The following OTOF variants were observed in gnomAD, a reference collection of about 807,000 sequenced individuals.
OTOF encodes the protein fer-1-like family member 2.
OTOF carries 218 observed loss-of-function variants against 236.8 expected under a neutral mutation model. The observed-to-expected ratio is 0.92, with a 90% CI of 0.82 to 1.03. OTOF has a LOEUF of 1.03. OTOF is among the 50% of genes least tolerant of loss of function. OTOF has a pLI of 0.00. For missense variants in OTOF, 2,590 were observed against 2,694.4 expected (o/e 0.96, Z 0.86); for synonymous variants, 1,041 against 1,072.5 (o/e 0.97, Z 0.57).
At position 26,477,619 on chromosome 2, in the gene OTOF, TC is replaced by T. The variant is rs1558486006; in HGVS notation, c.2315+29del. The T allele has an allele frequency of 2.5e-6, 4 of 1,610,478 alleles. No individual in the cohort carries two copies. Among genetic ancestry groups the T allele is most frequent in the Non-Finnish European group, 3.4e-6 (4 of 1,179,004 alleles). ...CCCTTTGTCCAGTTCCGCCTCATCC[TC>T]CCCCCACCTGCCGCCCCTCCCTTCT... On this transcript the variant is annotated intron_variant, in intron 19 of 46. Transcript: ENST00000272371. This position sits in a 1 kb window ranked among gnomAD's most constrained non-coding sequence, Gnocchi z 4.7.
intron 1 of OTOF, among the ~76,000 whole-genome samples, chr2:26,551,513 C>T (rs1425047721): frequency 6.6e-6 from 1 of 152,210 alleles, no homozygotes; most frequent in Non-Finnish European, 1.5e-5. Context: ...CCATCCTGGG[C>T]TAAGTGGGTT....
At chr2:26,482,685 G>GCCC (rs1558490827) in intron 13 of OTOF, 93 bp from the exon 14 acceptor site, 1 of 1,058,520 alleles carries the variant, frequency 9.4e-7, no homozygotes, top group African/African-American at 1.6e-5. Flanking sequence ...GTGCGTGAGT[G>GCCC]GGCACATGTG....
At chr2:26,507,379 G>A (rs1021999522) in intron 5 of OTOF, among the ~76,000 whole-genome samples, 1 of 152,182 alleles carries the variant, frequency 6.6e-6, no homozygotes, top group African/African-American at 2.4e-5. Flanking sequence ...CCTGATTGCA[G>A]CACCAGTTCC....
At position 26,474,116 on chromosome 2, in the gene OTOF, G is replaced by C; in HGVS notation, c.3289-6C>G. ...GCCTTCCCTGCTGGTCCAATCTGGG[G>C]AATGGGGGTCACAGGTCACACACTG... On this transcript the variant is annotated splice_polypyrimidine_tract_variant and splice_region_variant and intron_variant, in intron 26 of 46. Coordinates refer to ENST00000272371, the MANE Select transcript of OTOF (RefSeq NM_194248.3). 1 of 1,612,834 alleles carries C rather than the reference G, an allele frequency of 6.2e-7. No homozygotes were observed. The highest frequency in any genetic ancestry group is 1.3e-5 in the African/African-American group (1 of 75,004).
At position 26,484,529 on chromosome 2, in the gene OTOF, C is replaced by T. The variant is rs753273850; in HGVS notation, c.1150G>A (p.Asp384Asn). The T allele has an allele frequency of 4.3e-6, 7 of 1,614,004 alleles. No individual in the cohort carries two copies. The highest frequency in any genetic ancestry group is 1.7e-5 in the Admixed American group (1 of 60,004). Residue 384 changes from aspartate (D) to asparagine (N), a missense_variant, in exon 12 of 47, where the codon GAC becomes AAC. By Grantham distance (23) the Asp-to-Asn change is conservative. Around this residue, in one of 2 missense-constraint regions of OTOF, gnomAD observed 1,379 missense variants for 1,341.6 expected, o/e 1.03. Coordinates refer to ENST00000272371, the MANE Select transcript of OTOF (RefSeq NM_194248.3). ...KCDVAVVGKG[D>N]NIKTPHKANE... ...GCCTTGTGGGGCGTCTTGATGTTGT[C>T]CCCTTTGCCCACCACGGCAACGTCA...
chr2:26,519,752 C>T (rs1230618696), intron 3 of OTOF, among the ~76,000 whole-genome samples: 1 of 152,194 alleles, frequency 6.6e-6, no homozygotes, highest in Non-Finnish European at 1.5e-5. Flanking sequence ...TCCTTAAGCT[C>T]TCTCAGTGTC....
Position 26,467,511 on chromosome 2 carries a change from A to G in OTOF, c.4091-10T>C, listed in dbSNP as rs776425507. The G allele has an allele frequency of 1.2e-6, 2 of 1,613,216 alleles. No individual in the cohort carries two copies. Among genetic ancestry groups the G allele is most frequent in the African/African-American group, 1.3e-5 (1 of 74,898 alleles). ...ATTGACCCCTTCAGGCCTGGCCAGA[A>G]GCAGAAAAGGAGGTGGAGCAGAAAT... On this transcript the variant is annotated splice_polypyrimidine_tract_variant and intron_variant, in intron 33 of 46. Transcript: ENST00000272371.
chr2:26,526,361 G>C (rs1167917564), intron 3 of OTOF, among the ~76,000 whole-genome samples: 10 of 151,790 alleles, frequency 6.6e-5, no homozygotes, highest in Admixed American at 1.3e-4. Context: ...ATTGATAAAT[G>C]GATGGAGGGA....
chr2:26,458,221 C>G lies in OTOF; in HGVS notation c.*18-1G>C. 1 of 1,575,612 alleles carries G rather than the reference C, an allele frequency of 6.3e-7. No individual in the cohort carries two copies. The highest frequency in any genetic ancestry group is 2.4e-5 in the East Asian group (1 of 42,338). Reference sequence around the variant, plus strand: ...CCAGACGAAGGCCGTGTCGGGCCGGCTGGGAAGTGGAAGAGAGGAGCCGGT... The same window carrying G: ...CCAGACGAAGGCCGTGTCGGGCCGGGTGGGAAGTGGAAGAGAGGAGCCGGT... On this transcript the variant is annotated splice_acceptor_variant, in intron 46 of 46. Transcript: ENST00000272371. LOFTEE classifies it low-confidence loss of function (3UTR_SPLICE).
chr2:26,492,560 T>C (rs947617249), intron 9 of OTOF, among the ~76,000 whole-genome samples: 2 of 152,170 alleles, frequency 1.3e-5, no homozygotes, highest in Non-Finnish European at 1.5e-5. Context: ...TGTGCCTCCT[T>C]CATCTCGGCA....
chr2:26,458,573 A>C (rs887432455), intron 46 of OTOF, among the ~76,000 whole-genome samples: 7 of 152,090 alleles, frequency 4.6e-5, no homozygotes, highest in African/African-American at 7.2e-5. Context: ...GGTGCTTCAC[A>C]ACCTCTTCCT....
intron 5 of OTOF, among the ~76,000 whole-genome samples, chr2:26,514,395 G>A (rs1009054388): frequency 2.0e-5 from 3 of 152,274 alleles, no homozygotes; most frequent in African/African-American, 7.2e-5. Context: ...CTGTGAGGAA[G>A]GGTCGGGGGA....
chr2:26,519,177 C>CCAAGG, intron 3 of OTOF, 68 bp from the exon 4 acceptor site: 1 of 1,077,796 alleles, frequency 9.3e-7, no homozygotes, highest in Non-Finnish European at 1.4e-6. Flanking sequence ...GACTGACATC[C>CCAAGG]CAAGGGCTGT....
chr2:26,490,993 A>T (rs1368113672), intron 9 of OTOF, among the ~76,000 whole-genome samples: 1 of 152,130 alleles, frequency 6.6e-6, no homozygotes, highest in East Asian at 1.9e-4. Context: ...TCAGCACAAG[A>T]TGGTAACTGA....
chr2:26,465,080 C>T, intron 38 of OTOF, 51 bp from the exon 39 acceptor site: 1 of 1,401,690 alleles, frequency 7.1e-7, no homozygotes, highest in Non-Finnish European at 9.4e-7. Flanking sequence ...ACTAAGCCAT[C>T]CTGGATGACA....
rs758504052 is a variant in OTOF at position 26,465,707 on chromosome 2, G to T, written c.4764C>A (p.His1588Gln). Residue 1588 changes from histidine (H) to glutamine (Q), a missense_variant, in exon 38 of 47, where the codon CAC becomes CAA. Physicochemically the swap from His to Gln is conservative, Grantham distance 24 (BLOSUM62 0). Transcript: ENST00000272371. ...IDLENRFYSK[H>Q]RATCGIAQTY... ...TCTGGGCGATGCCGCAGGTGGCGCG[G>T]TGCTTGCTGTAGAAGCGGTTCTCCA... is the stretch of plus-strand genomic sequence containing the variant. 1 of 1,614,164 alleles carries T rather than the reference G, an allele frequency of 6.2e-7. No homozygotes were observed. The highest frequency in any genetic ancestry group is 1.3e-5 in the African/African-American group (1 of 74,952).
intron 3 of OTOF, among the ~76,000 whole-genome samples, chr2:26,522,260 T>G: frequency 6.6e-6 from 1 of 152,232 alleles, no homozygotes; most frequent in East Asian, 1.9e-4. Flanking sequence ...TATCTCAGCC[T>G]TATGTAAAGT....
chr2:26,482,464 G>A lies in OTOF; in HGVS notation c.1521C>T (p.Asp507=), dbSNP rs774317620. 26 of 1,613,202 alleles carry A rather than the reference G, an allele frequency of 1.6e-5. No homozygotes were observed. Among genetic ancestry groups the A allele is most frequent in the Admixed American group, 3.3e-5 (2 of 60,006 alleles). ...VQIRDSDKVN[D]VAIGTHFIDL... is the part of the protein sequence containing the mutation. ...CAATGAAGTGGGTGCCGATGGCCAC[G>A]TCGTTGACCTTGTCCGAGTCTCGGA... The change falls in exon 14 of 47, where the codon GAC becomes GAT. Residue 507 remains aspartate (D), a synonymous_variant. Coordinates refer to ENST00000272371, the MANE Select transcript of OTOF (RefSeq NM_194248.3).
chr2:26,463,665 G>C, intron 40 of OTOF, 94 bp from the exon 41 acceptor site: 2 of 1,082,606 alleles, frequency 1.8e-6, no homozygotes, highest in Non-Finnish European at 2.8e-6. Flanking sequence ...GTTCTGTCAA[G>C]GACCCAGTTC....
Sources: allele counts gnomAD v4.1 joint callset (sites outside exome capture counted in the v4.1 genomes callset), GRCh38; gene constraint gnomAD v4.1.1; regional missense constraint gnomAD v4.1.1; non-coding constraint Gnocchi (gnomAD v3.1); transcripts MANE v1.5; gene names NCBI Gene and HGNC (gene_info 2026-07-23, HGNC 2026-07-21).